Variants in MACROD2 observed in about 807,000 individuals in gnomAD.
The protein encoded by MACROD2 is ADP-ribose glycohydrolase MACROD2.
A neutral mutation model predicts 70.4 loss-of-function variants in MACROD2; 36 were observed. The observed-to-expected ratio is 0.51, with a 90% CI of 0.39 to 0.68. The LOEUF (loss-of-function observed/expected upper bound fraction) is 0.68. Ranked by LOEUF, MACROD2 falls within the 30% of genes least tolerant of loss-of-function variation. The pLI is 0.00. For missense variants in MACROD2, 496 were observed against 538.4 expected (o/e 0.92, Z 0.78); for synonymous variants, 172 against 178.8 (o/e 0.96, Z 0.30).
chr20:15,790,502 A>C (rs1252369945), intron 8 of MACROD2, among the ~76,000 whole-genome samples: 2 of 151,870 alleles, frequency 1.3e-5, no homozygotes, highest in East Asian at 3.8e-4. Flanking sequence ...CTGACAACAT[A>C]ATTGAGAAGA....
chr20:14,595,477 C>T (rs1348801106), intron 4 of MACROD2, among the ~76,000 whole-genome samples: 1 of 152,170 alleles, frequency 6.6e-6, no homozygotes, highest in Non-Finnish European at 1.5e-5. Context: ...AGGTCAGTTG[C>T]AGTTTTTAGT....
At chr20:15,158,330 T>C (rs1413325904) in intron 5 of MACROD2, among the ~76,000 whole-genome samples, 1 of 152,194 alleles carries the variant, frequency 6.6e-6, no homozygotes, top group African/African-American at 2.4e-5. Context: ...GTAATAATAA[T>C]AGCAATCAGC....
chr20:15,867,647 AAAAAG>A (rs1407479739), intron 9 of MACROD2, among the ~76,000 whole-genome samples: 1 of 152,202 alleles, frequency 6.6e-6, no homozygotes, highest in Non-Finnish European at 1.5e-5. Flanking sequence ...AAAAAATTAA[AAAAAG>A]AAAAGAAAAG....
At chr20:15,421,978 G>A (rs1368792108) in intron 6 of MACROD2, among the ~76,000 whole-genome samples, 1 of 152,240 alleles carries the variant, frequency 6.6e-6, no homozygotes, top group East Asian at 1.9e-4. Flanking sequence ...GAAAACCAGG[G>A]AGTATTTGGG....
At chr20:14,500,417 G>A (rs984853786) in intron 4 of MACROD2, among the ~76,000 whole-genome samples, 1 of 152,222 alleles carries the variant, frequency 6.6e-6, no homozygotes, top group African/African-American at 2.4e-5. Flanking sequence ...CTCTACAGCT[G>A]CTCACTCCAG....
At chr20:15,025,756 C>T (rs1186710381) in intron 5 of MACROD2, among the ~76,000 whole-genome samples, 5 of 151,992 alleles carry the variant, frequency 3.3e-5, no homozygotes, top group Non-Finnish European at 7.4e-5. Context: ...TAGCGGTATC[C>T]CTGGCCTCTA....
intron 8 of MACROD2, among the ~76,000 whole-genome samples, chr20:15,626,863 C>T (rs544891411): frequency 1.3e-5 from 2 of 151,392 alleles, no homozygotes; most frequent in East Asian, 3.9e-4. Context: ...CCCCACCCCC[C>T]CAAAAAAAAA....
At chr20:15,018,755 T>C (rs1347761209) in intron 5 of MACROD2, among the ~76,000 whole-genome samples, 1 of 152,178 alleles carries the variant, frequency 6.6e-6, no homozygotes, top group Non-Finnish European at 1.5e-5. Context: ...TAAGGGTGGA[T>C]CTGCCTTCCC....
intron 3 of MACROD2, among the ~76,000 whole-genome samples, chr20:14,108,948 C>T (rs575056026): frequency 3.4e-4 from 52 of 152,068 alleles, no homozygotes; most frequent in Non-Finnish European, 5.9e-4. Context: ...TTTTGTTCAA[C>T]GTCTGCAGAA....
intron 10 of MACROD2, among the ~76,000 whole-genome samples, chr20:15,900,039 G>C (rs531762639): frequency 1.9e-4 from 29 of 151,998 alleles, no homozygotes; most frequent in African/African-American, 6.0e-4. Flanking sequence ...TTAAAGTATC[G>C]TGTGACATGC....
intron 3 of MACROD2, among the ~76,000 whole-genome samples, chr20:14,125,682 T>C (rs2054639739): frequency 6.6e-6 from 1 of 152,172 alleles, no homozygotes; most frequent in Non-Finnish European, 1.5e-5. Context: ...CATACTTTTA[T>C]CATTTAATGA....
At chr20:15,121,344 G>A (rs200856820) in intron 5 of MACROD2, among the ~76,000 whole-genome samples, 40 of 151,602 alleles carry the variant, frequency 2.6e-4, no homozygotes, top group African/African-American at 3.6e-4. Context: ...AAACCCTGTC[G>A]CTACAAAAAA....
intron 8 of MACROD2, among the ~76,000 whole-genome samples, chr20:15,507,654 G>C (rs1039478730): frequency 6.6e-6 from 1 of 152,122 alleles, no homozygotes; most frequent in African/African-American, 2.4e-5. Flanking sequence ...CCCCAAGGCA[G>C]CTTCTCCCCT....
chr20:14,298,419 T>C (rs960539317), intron 3 of MACROD2, among the ~76,000 whole-genome samples: 6 of 151,466 alleles, frequency 4.0e-5, no homozygotes, highest in Non-Finnish European at 2.9e-5. Context: ...AATACAAAAA[T>C]TAGCTGGATG....
At position 14,871,317 on chromosome 20, in the gene MACROD2, G is replaced by A. The variant is rs58373272; in HGVS notation, c.418+186358G>A. 3.6e-3 allele frequency among the ~76,000 whole-genome samples: 551 copies of A among 152,142 alleles called. 1 individual carries two copies. The highest frequency in any genetic ancestry group is 0.013 in the African/African-American group (521 of 41,514). ...AAGCCCATTAGACTAACAGTGGACC[G>A]CTCGGCTGAAACTCAGCATACAAGC... On this transcript the variant is annotated intron_variant, in intron 5 of 17. Transcript: ENST00000684519.
At chr20:15,778,392 ACT>A (rs2051768442) in intron 8 of MACROD2, among the ~76,000 whole-genome samples, 2 of 152,024 alleles carry the variant, frequency 1.3e-5, no homozygotes, top group Non-Finnish European at 2.9e-5. Flanking sequence ...GTTCTATATT[ACT>A]CTGAGCTCTA....
At chr20:14,265,703 G>A (rs1420612235) in intron 3 of MACROD2, among the ~76,000 whole-genome samples, 3 of 151,078 alleles carry the variant, frequency 2.0e-5, no homozygotes, top group Non-Finnish European at 2.9e-5. Flanking sequence ...TTTTAAAAAC[G>A]CTTGTTTTCT....
intron 8 of MACROD2, among the ~76,000 whole-genome samples, chr20:15,709,534 G>T (rs1269526512): frequency 2.0e-5 from 3 of 152,056 alleles, no homozygotes; most frequent in Non-Finnish European, 4.4e-5. Context: ...GGGCATGATG[G>T]CACAAGCCTG....
chr20:14,235,909 A>G (rs2081865231), intron 3 of MACROD2, among the ~76,000 whole-genome samples: 1 of 11,988 alleles, frequency 8.3e-5, no homozygotes, highest in Non-Finnish European at 2.0e-4. Flanking sequence ...TAATACGTGG[A>G]AAAACATACT....
Sources: allele counts gnomAD v4.1 joint callset (sites outside exome capture counted in the v4.1 genomes callset), GRCh38; gene constraint gnomAD v4.1.1; transcripts MANE v1.5; gene names NCBI Gene and HGNC (gene_info 2026-07-23, HGNC 2026-07-21).